KIF5C: variants seen among roughly 807,000 people sequenced by gnomAD.
KIF5C encodes the protein kinesin heavy chain isoform 5C.
KIF5C carries 18 observed loss-of-function variants against 125.2 expected under a neutral mutation model. The observed-to-expected ratio is 0.14, with a 90% CI of 0.10 to 0.21. KIF5C has a LOEUF of 0.21. Ranked by LOEUF, KIF5C falls within the 10% of genes least tolerant of loss-of-function variation. The probability of loss-of-function intolerance (pLI) is 1.00; values close to 1 mark genes in which losing one functional copy is unlikely to be tolerated. For synonymous variants in KIF5C, 405 were observed against 434.0 expected, an observed-to-expected ratio of 0.93 and a Z score of 0.83; for missense variants, 780 against 1,183.8, an observed-to-expected ratio of 0.66 and a Z score of 5.01.
At chr2:148,934,554 TACACAC>T (rs146996473) in intron 3 of KIF5C, among the ~76,000 whole-genome samples, 7 of 143,242 alleles carry the variant, frequency 4.9e-5, no homozygotes, top group South Asian at 2.3e-4. Flanking sequence ...CACACACGCA[TACACAC>T]ACACACACAC....
In KIF5C at chr2:148,875,575, G is replaced by GCCCCCCCCCCAA; in HGVS notation, c.-37_-36insCCCCAACCCCCC. The GCCCCCCCCCCAA allele has an allele frequency of 1.4e-6, 1 of 699,606 alleles. No individual in the cohort carries two copies. Among genetic ancestry groups the GCCCCCCCCCCAA allele is most frequent in the Non-Finnish European group, 2.6e-6 (1 of 389,230 alleles). 43.3% of individuals were successfully genotyped at this position (699,606 alleles called of 1,614,324 possible). A position where few individuals can be genotyped will look rare whatever the true frequency, so the allele number is the denominator to read the frequency against. ...TCCTCCCTCGTCGTTCCCGGCCCCG[G>GCCCCCCCCCCAA]CCCCCCACCCATCCCCGTGCCCCCT... On this transcript the variant is annotated 5_prime_UTR_variant, in exon 1 of 26. Coordinates refer to ENST00000435030, the MANE Select transcript of KIF5C (RefSeq NM_004522.3).
rs1681198882 is a variant in KIF5C, at chr2:148,876,569, G to A, written c.126+826G>A. ...CCAAGAGCAGAAGTTACTTCGTGCGGCTCGGACCCCCCTCCCTCTCTATCT... is the reference window on the plus strand; with the variant it reads ...CCAAGAGCAGAAGTTACTTCGTGCGACTCGGACCCCCCTCCCTCTCTATCT... On this transcript the variant is annotated intron_variant, in intron 1 of 25. Coordinates refer to ENST00000435030, the MANE Select transcript of KIF5C (RefSeq NM_004522.3). This position sits in a 1 kb window ranked among gnomAD's most constrained non-coding sequence, Gnocchi z 4.7. Among the ~76,000 whole-genome samples, 1 of 152,142 alleles carries A rather than the reference G, an allele frequency of 6.6e-6. No individual in the cohort carries two copies. Among genetic ancestry groups the A allele is most frequent in the South Asian group, 2.1e-4 (1 of 4,832 alleles).
chr2:148,971,755 A>G (rs1448015290), intron 11 of KIF5C, among the ~76,000 whole-genome samples: 1 of 152,164 alleles, frequency 6.6e-6, no homozygotes, highest in Non-Finnish European at 1.5e-5. Flanking sequence ...GGCCCCATGT[A>G]GTATTTTGTG....
chr2:149,011,713 A>C (rs1393752536), intron 25 of KIF5C, 30 bp downstream of exon 25: 1 of 1,613,436 alleles, frequency 6.2e-7, no homozygotes, highest in Non-Finnish European at 8.5e-7. Flanking sequence ...TGGTTTCTCT[A>C]TCTGGAGGCA....
intron 1 of KIF5C, among the ~76,000 whole-genome samples, chr2:148,893,466 T>C (rs1463797619): frequency 6.6e-6 from 1 of 152,200 alleles, no homozygotes; most frequent in African/African-American, 2.4e-5. Flanking sequence ...AACCTAACTA[T>C]CCATTGTGTC....
chr2:148,887,834 T>C, intron 1 of KIF5C, among the ~76,000 whole-genome samples: 1 of 151,982 alleles, frequency 6.6e-6, no homozygotes, highest in African/African-American at 2.4e-5. Context: ...ACGCTAGTAG[T>C]ACGCTTCGGT....
rs1222848244 is a variant in KIF5C at position 148,924,392 on chromosome 2, T to TA, written c.217+2168dup. Among the ~76,000 whole-genome samples the TA allele has an allele frequency of 6.6e-6, 1 of 152,200 alleles. No homozygotes were observed. Among genetic ancestry groups the TA allele is most frequent in the African/African-American group, 2.4e-5 (1 of 41,448 alleles). On this transcript the variant is annotated intron_variant, in intron 2 of 25. Transcript: ENST00000435030. The surrounding 1 kb of genome is among the most constrained non-coding windows in gnomAD (Gnocchi z 4.0). Reference sequence around the variant, plus strand: ...AAGGAGCATTCCTTTCAAGTCCATCTAAACTCTTAATGATTTGGAGCATCT... The same window carrying TA: ...AAGGAGCATTCCTTTCAAGTCCATCTAAAACTCTTAATGATTTGGAGCATCT...
chr2:148,923,325 C>T (rs1681863579), intron 2 of KIF5C, among the ~76,000 whole-genome samples: 1 of 152,116 alleles, frequency 6.6e-6, no homozygotes, highest in African/African-American at 2.4e-5. Context: ...ATGTAATGTT[C>T]CTTGCTGAGG....
chr2:149,004,797 C>A (rs538004664), intron 21 of KIF5C, among the ~76,000 whole-genome samples: 1 of 152,254 alleles, frequency 6.6e-6, no homozygotes, highest in African/African-American at 2.4e-5. Flanking sequence ...TTTTTATTCT[C>A]ATGTTACCAA....
chr2:148,932,419 A>G (rs1682201949), intron 3 of KIF5C, among the ~76,000 whole-genome samples: 1 of 152,212 alleles, frequency 6.6e-6, no homozygotes, highest in Admixed American at 6.5e-5. Flanking sequence ...AAGATGGAGC[A>G]TTTAAGGTAG....
intron 23 of KIF5C, among the ~76,000 whole-genome samples, chr2:149,009,031 C>A (rs1574834827): frequency 1.4e-5 from 2 of 148,038 alleles, no homozygotes; most frequent in East Asian, 2.0e-4. Context: ...GCTCTGTCGC[C>A]CAGGCTGGAG....
chr2:148,991,175 G>C lies in KIF5C; in HGVS notation c.1882G>C (p.Ala628Pro). 1 of 1,613,654 alleles carries C rather than the reference G, an allele frequency of 6.2e-7. No individual in the cohort carries two copies. ...KMNASERELA[A>P]CQLLISQHEA... The stretch of plus-strand genomic sequence containing the variant: ...GAATGCCAGCGAGCGGGAGCTGGCA[G>C]CCTGCCAGCTGCTCATCTCCCAGGT... Residue 628 changes from alanine to proline, a missense_variant, in exon 16 of 26, where the codon GCC becomes CCC. Transcript: ENST00000435030.
chr2:148,982,894 A>AT (rs1363727005), intron 14 of KIF5C, among the ~76,000 whole-genome samples: 1 of 152,248 alleles, frequency 6.6e-6, no homozygotes, highest in Non-Finnish European at 1.5e-5. Context: ...GGAGAATTGT[A>AT]TAAATAGATA....
At chr2:148,881,844 G>A (rs932534337) in intron 1 of KIF5C, among the ~76,000 whole-genome samples, 1 of 145,512 alleles carries the variant, frequency 6.9e-6, no homozygotes, top group Non-Finnish European at 1.5e-5. Flanking sequence ...ATGTGAGCCC[G>A]TCTAAACAGT....
chr2:148,955,926 G>A (rs1393850336), intron 10 of KIF5C, among the ~76,000 whole-genome samples: 3 of 152,214 alleles, frequency 2.0e-5, no homozygotes, highest in African/African-American at 7.2e-5. Flanking sequence ...GAAATAAAAG[G>A]TATGAAGGTA....
At chr2:148,941,422 G>C (rs1465741811) in intron 4 of KIF5C, among the ~76,000 whole-genome samples, 188 bp from the exon 5 acceptor site, 1 of 150,378 alleles carries the variant, frequency 6.6e-6, no homozygotes, top group Non-Finnish European at 1.5e-5. Flanking sequence ...TCCACACTTA[G>C]GGAAGCGTAG....
At chr2:148,965,723 A>G (rs903841335) in intron 11 of KIF5C, among the ~76,000 whole-genome samples, 87 of 152,322 alleles carry the variant, frequency 5.7e-4, no homozygotes, top group African/African-American at 2.0e-3. Flanking sequence ...CATGAATGAC[A>G]GGTCTGAAAA....
intron 11 of KIF5C, among the ~76,000 whole-genome samples, chr2:148,964,944 T>C (rs575925305): frequency 6.6e-6 from 1 of 151,818 alleles, no homozygotes; most frequent in African/African-American, 2.4e-5. Flanking sequence ...GAGATGATGG[T>C]ATTGAAGTGA....
chr2:148,917,102 G>C (rs763879082), intron 1 of KIF5C, among the ~76,000 whole-genome samples: 7 of 152,126 alleles, frequency 4.6e-5, no homozygotes, highest in Non-Finnish European at 8.8e-5. Context: ...TCTGTTGAAA[G>C]GAATGCTTGC....
Sources: allele counts gnomAD v4.1 joint callset (sites outside exome capture counted in the v4.1 genomes callset), GRCh38; gene constraint gnomAD v4.1.1; non-coding constraint Gnocchi (gnomAD v3.1); transcripts MANE v1.5; gene names NCBI Gene and HGNC (gene_info 2026-07-23, HGNC 2026-07-21).